VPS41: variants seen among roughly 807,000 people sequenced by gnomAD.
VPS41 encodes the protein VPS41 subunit of HOPS complex.
VPS41 carries 85 observed loss-of-function variants against 130.9 expected under a neutral mutation model. That is an observed-to-expected ratio of 0.65 (90% confidence interval 0.55 to 0.78). The LOEUF (loss-of-function observed/expected upper bound fraction) is 0.78, where lower values mean the gene tolerates loss of function less well. Among genes scored for constraint, VPS41 ranks in the 30% least tolerant of loss-of-function variants. VPS41 has a pLI of 0.00. For missense variants in VPS41, 874 were observed against 1,018.7 expected (o/e 0.86, Z 1.93); for synonymous variants, 335 against 332.9 (o/e 1.01, Z -0.07).
chr7:38,796,216 T>C (rs749595579), intron 8 of VPS41, among the ~76,000 whole-genome samples: 1 of 152,224 alleles, frequency 6.6e-6, no homozygotes, highest in South Asian at 2.1e-4. Flanking sequence ...TCAAAAGATA[T>C]GCCAGATGTC....
At chr7:38,737,716 A>G (rs1044686449) in intron 25 of VPS41, among the ~76,000 whole-genome samples, 1 of 152,212 alleles carries the variant, frequency 6.6e-6, no homozygotes, top group African/African-American at 2.4e-5. Flanking sequence ...ACACAAGTCC[A>G]GAGGAGTTTC....
Position 38,725,384 on chromosome 7 carries a change from C to T in VPS41, c.*862G>A, listed in dbSNP as rs1315204840. 6.6e-6 allele frequency: 1 copy of T among 152,238 alleles called. No individual in the cohort carries two copies. Among genetic ancestry groups the T allele is most frequent in the Non-Finnish European group, 1.5e-5 (1 of 68,078 alleles). 9.4% of individuals were successfully genotyped at this position (152,238 alleles called of 1,614,324 possible). On this transcript the variant is annotated 3_prime_UTR_variant, in exon 29 of 29. Coordinates refer to ENST00000310301, the MANE Select transcript of VPS41 (RefSeq NM_014396.4). The stretch of plus-strand genomic sequence containing the variant: ...AGTCCGTCCTTCAGCATCAGGTGGT[C>T]CCACTGCTCCTGAGGCACCCTCAGT...
chr7:38,885,019 T>C (rs183269420), intron 2 of VPS41, among the ~76,000 whole-genome samples: 40 of 152,336 alleles, frequency 2.6e-4, no homozygotes, highest in Admixed American at 5.2e-4. Flanking sequence ...AGGTGGGATA[T>C]ACTTCTAAAT....
intron 4 of VPS41, among the ~76,000 whole-genome samples, chr7:38,836,159 C>A (rs1263148837): frequency 6.6e-6 from 1 of 151,850 alleles, no homozygotes; most frequent in Non-Finnish European, 1.5e-5. Context: ...TATGTTTCCC[C>A]ATTTCATTTT....
Position 38,771,986 on chromosome 7 carries a change from T to C in VPS41, c.1128+536A>G, listed in dbSNP as rs78555858. Among the ~76,000 whole-genome samples, 75 of 150,972 alleles carry C rather than the reference T, an allele frequency of 5.0e-4. No homozygotes were observed. In the East Asian group the frequency reaches 6.4e-3, roughly 13 times the overall value. On this transcript the variant is annotated intron_variant, in intron 13 of 28. Coordinates refer to ENST00000310301, the MANE Select transcript of VPS41 (RefSeq NM_014396.4). Reference sequence around the variant, plus strand: ...TGTTGTGGATGTTGTTTTAAATTAGTATATAAGCCCATCTAAGAACGTAAC... The same window carrying C: ...TGTTGTGGATGTTGTTTTAAATTAGCATATAAGCCCATCTAAGAACGTAAC...
chr7:38,780,946 T>G (rs1429575721), intron 10 of VPS41, among the ~76,000 whole-genome samples: 3 of 152,152 alleles, frequency 2.0e-5, no homozygotes, highest in East Asian at 3.8e-4. Flanking sequence ...GCTCCTGCCC[T>G]GGCCATGTGA....
At chr7:38,753,093 A>C (rs1783713828) in intron 21 of VPS41, among the ~76,000 whole-genome samples, 1 of 152,180 alleles carries the variant, frequency 6.6e-6, no homozygotes, top group Non-Finnish European at 1.5e-5. Context: ...TCAGAAGTCA[A>C]AAAACAATTC....
At chr7:38,818,250 A>AAC (rs1289981592) in intron 6 of VPS41, among the ~76,000 whole-genome samples, 2 of 40,268 alleles carry the variant, frequency 5.0e-5, no homozygotes, top group Non-Finnish European at 8.5e-5. Context: ...AAAACAAAAC[A>AAC]AAAAAAAAAA....
intron 7 of VPS41, chr7:38,797,091 C>CA: frequency 2.3e-6 from 1 of 429,442 alleles, no homozygotes; most frequent in South Asian, 4.1e-5. Flanking sequence ...GAAGTTACTA[C>CA]AAGGCCAAGC....
intron 4 of VPS41, among the ~76,000 whole-genome samples, chr7:38,851,227 C>G (rs905999076): frequency 3.3e-5 from 5 of 152,160 alleles, no homozygotes; most frequent in Non-Finnish European, 7.3e-5. Context: ...TGCCACTGAG[C>G]AATGAAAAGT....
rs754468817 is a variant in VPS41 at position 38,789,849 on chromosome 7, G to A, written c.736C>T (p.Arg246Trp). 16 of 1,613,506 alleles carry A rather than the reference G, an allele frequency of 9.9e-6. No individual in the cohort carries two copies. Among genetic ancestry groups the A allele is most frequent in the Middle Eastern group, 1.6e-4 (1 of 6,080 alleles). The change falls in exon 10 of 29, where the codon CGG (arginine) becomes TGG (tryptophan). Residue 246 changes from arginine (R) to tryptophan (W), a missense_variant. Arg to Trp is a moderately radical substitution (Grantham distance 101, BLOSUM62 -3). Coordinates refer to ENST00000310301, the MANE Select transcript of VPS41 (RefSeq NM_014396.4). ...TSVKVCSVKE[R>W]HASEMRDLPS... ...AAATCCCTCATTTCACTGGCATGCC[G>A]TTCCTTCACTGAGCACACCTGGAAA...
At chr7:38,785,177 A>G (rs1346109342) in intron 10 of VPS41, among the ~76,000 whole-genome samples, 4 of 152,236 alleles carry the variant, frequency 2.6e-5, no homozygotes, top group Non-Finnish European at 5.9e-5. Context: ...ACTTTTCAAT[A>G]AGTTTAGACA....
chr7:38,860,645 C>T (rs144999989), intron 4 of VPS41, among the ~76,000 whole-genome samples: 5 of 151,546 alleles, frequency 3.3e-5, no homozygotes, highest in Admixed American at 6.6e-5. Context: ...CTACTATTGA[C>T]GGACATTTGA....
chr7:38,814,887 C>G (rs1562596192), intron 7 of VPS41, among the ~76,000 whole-genome samples: 1 of 152,024 alleles, frequency 6.6e-6, no homozygotes, highest in Non-Finnish European at 1.5e-5. Flanking sequence ...AGTGATTTAT[C>G]AATATTTTAA....
chr7:38,830,409 T>C (rs186261847), intron 4 of VPS41, 81 bp from the exon 5 acceptor site: 31 of 867,558 alleles, frequency 3.6e-5, no homozygotes, highest in African/African-American at 2.6e-4. Context: ...CTTTGTAAAA[T>C]AGTAAGCTCT....
intron 4 of VPS41, among the ~76,000 whole-genome samples, chr7:38,846,189 A>C (rs1785719698): frequency 6.6e-6 from 1 of 152,168 alleles, no homozygotes; most frequent in Admixed American, 6.5e-5. Context: ...AGAGTCTGTG[A>C]CCCCAGTACT....
intron 2 of VPS41, among the ~76,000 whole-genome samples, chr7:38,870,739 C>CAAAAAAAAAAAAAAAAAAAAAAAAA (rs70977434): frequency 3.4e-5 from 1 of 29,734 alleles, no homozygotes; most frequent in Non-Finnish European, 6.9e-5. Context: ...ACTATATGTT[C>CAAAAAAAAAAAAAAAAAAAAAAAAA]AAAAAAAAAA....
intron 23 of VPS41, among the ~76,000 whole-genome samples, chr7:38,745,123 A>G (rs1053256741): frequency 2.6e-5 from 4 of 152,192 alleles, no homozygotes; most frequent in Non-Finnish European, 5.9e-5. Context: ...TGACACCTAG[A>G]TTATATTAAA....
At chr7:38,849,596 T>C (rs908787249) in intron 4 of VPS41, among the ~76,000 whole-genome samples, 17 of 152,212 alleles carry the variant, frequency 1.1e-4, no homozygotes, top group African/African-American at 4.1e-4. Flanking sequence ...GTTCTACCAG[T>C]TGATGGCCTA....
Sources: allele counts gnomAD v4.1 joint callset (sites outside exome capture counted in the v4.1 genomes callset), GRCh38; gene constraint gnomAD v4.1.1; transcripts MANE v1.5; gene names NCBI Gene and HGNC (gene_info 2026-07-23, HGNC 2026-07-21).